The following GPATCH2 variants were observed in gnomAD, a reference collection of about 807,000 sequenced individuals.
The protein encoded by GPATCH2 is G patch domain-containing protein 2.
Under a neutral mutation model 58.0 loss-of-function variants are expected in GPATCH2, and 51 were observed. That is an observed-to-expected ratio of 0.88 (90% confidence interval 0.70 to 1.11). The LOEUF (loss-of-function observed/expected upper bound fraction) is 1.11, where lower values mean the gene tolerates loss of function less well. Among genes scored for constraint, GPATCH2 ranks in the 50% most tolerant of loss-of-function variants. The probability of loss-of-function intolerance (pLI) is 0.00; values close to 1 mark genes in which losing one functional copy is unlikely to be tolerated. For missense variants in GPATCH2, 625 were observed against 652.2 expected (o/e 0.96, Z 0.45); for synonymous variants, 222 against 218.5 (o/e 1.02, Z -0.14).
At chr1:217,484,528 T>C (rs1378251162) in intron 8 of GPATCH2, among the ~76,000 whole-genome samples, 1 of 143,098 alleles carries the variant, frequency 7.0e-6, no homozygotes, top group African/African-American at 2.5e-5. Flanking sequence ...GCCAATTCCT[T>C]CAAATAAATC....
At chr1:217,453,445 C>T (rs921209115) in intron 8 of GPATCH2, among the ~76,000 whole-genome samples, 3 of 152,134 alleles carry the variant, frequency 2.0e-5, no homozygotes, top group African/African-American at 4.8e-5. Flanking sequence ...CTGTCACTTA[C>T]GATTTGAAAC....
At chr1:217,509,063 G>A (rs910295330) in intron 6 of GPATCH2, among the ~76,000 whole-genome samples, 1 of 152,194 alleles carries the variant, frequency 6.6e-6, no homozygotes, top group Admixed American at 6.5e-5. Flanking sequence ...ACTGCAGCCT[G>A]GAGTGGTGGC....
At chr1:217,474,988 T>G (rs1660906826) in intron 8 of GPATCH2, among the ~76,000 whole-genome samples, 1 of 152,174 alleles carries the variant, frequency 6.6e-6, no homozygotes, top group African/African-American at 2.4e-5. Flanking sequence ...TAACAAAACT[T>G]GTAACAAGAA....
At chr1:217,609,492 G>A (rs890250548) in intron 5 of GPATCH2, 7 of 983,344 alleles carry the variant, frequency 7.1e-6, no homozygotes, top group East Asian at 1.1e-4. Context: ...AATTTAAAAC[G>A]AGGATGATTT....
intron 5 of GPATCH2, among the ~76,000 whole-genome samples, chr1:217,571,931 A>T (rs1252121184): frequency 1.3e-5 from 2 of 149,824 alleles, no homozygotes; most frequent in Non-Finnish European, 3.0e-5. Context: ...GACAGACAAA[A>T]GAAGAAAGAA....
intron 8 of GPATCH2, among the ~76,000 whole-genome samples, chr1:217,469,003 T>A (rs1660601607): frequency 6.6e-6 from 1 of 152,142 alleles, no homozygotes; most frequent in South Asian, 2.1e-4. Flanking sequence ...GTATAAGTCA[T>A]TACAGCTTTT....
At chr1:217,621,448 A>G (rs1412077847) in intron 1 of GPATCH2, among the ~76,000 whole-genome samples, 1 of 152,200 alleles carries the variant, frequency 6.6e-6, no homozygotes, top group Admixed American at 6.5e-5. Context: ...CTCAACAGTC[A>G]TACAGAGCTT....
intron 8 of GPATCH2, among the ~76,000 whole-genome samples, chr1:217,455,954 T>C (rs1390802150): frequency 1.3e-5 from 2 of 151,810 alleles, no homozygotes; most frequent in East Asian, 3.9e-4. Context: ...TGGCTGGGGA[T>C]AGTCAGAGAG....
intron 2 of GPATCH2, among the ~76,000 whole-genome samples, chr1:217,616,259 C>G (rs957438333): frequency 4.6e-5 from 7 of 152,146 alleles, no homozygotes; most frequent in African/African-American, 1.7e-4. Context: ...CATACACACA[C>G]GTGTACATTA....
intron 1 of GPATCH2, among the ~76,000 whole-genome samples, chr1:217,629,508 A>G (rs987553898): frequency 1.7e-4 from 26 of 152,150 alleles, no homozygotes; most frequent in Non-Finnish European, 7.4e-5. Flanking sequence ...CTACAAATCA[A>G]TAGCACCCTA....
chr1:217,454,282 T>G (rs10495057), intron 8 of GPATCH2, among the ~76,000 whole-genome samples: 5,320 of 152,236 alleles, frequency 0.035, 168 homozygotes, highest in African/African-American at 0.091. Context: ...ACGACTAGAA[T>G]GATTGAATTA....
intron 5 of GPATCH2, among the ~76,000 whole-genome samples, chr1:217,534,445 T>A (rs1274897537): frequency 6.6e-6 from 1 of 152,198 alleles, no homozygotes; most frequent in Non-Finnish European, 1.5e-5. Context: ...GTTGCCCATC[T>A]TCTTATTAGT....
At chr1:217,451,983 C>G (rs1457428833) in intron 8 of GPATCH2, among the ~76,000 whole-genome samples, 1 of 152,174 alleles carries the variant, frequency 6.6e-6, no homozygotes, top group Admixed American at 6.5e-5. Flanking sequence ...GTTCAGGATG[C>G]CTGCAGAGCA....
rs746900010 is a variant in GPATCH2, at chr1:217,620,439, G to A, written c.117C>T (p.Ser39=). 9.9e-6 allele frequency: 16 copies of A among 1,613,836 alleles called. No individual in the cohort carries two copies. In the East Asian group the frequency reaches 3.1e-4, roughly 31 times the overall value. ...CAAATCCACCTCGAGCTTGCTCTGA[G>A]CTCTCTTCCAATGCTGAGACAAGGT... ...VHDLVSALEE[S]SEQARGGFAE... The change falls in exon 2 of 10, where the codon AGC becomes AGT. Residue 39 remains serine, a synonymous_variant. Coordinates refer to ENST00000366935, the MANE Select transcript of GPATCH2 (RefSeq NM_018040.5).
chr1:217,458,087 A>G (rs2132997), intron 8 of GPATCH2, among the ~76,000 whole-genome samples: 87,554 of 151,992 alleles, frequency 0.58, 25,956 homozygotes, highest in Admixed American at 0.69. Flanking sequence ...AAAATTAGCC[A>G]GGCGTGGTCG....
chr1:217,454,546 G>A (rs545703639), intron 8 of GPATCH2, among the ~76,000 whole-genome samples: 48 of 120,398 alleles, frequency 4.0e-4, no homozygotes, highest in African/African-American at 1.3e-3. Context: ...TCGAGATCGC[G>A]CCACTGCACT....
intron 5 of GPATCH2, among the ~76,000 whole-genome samples, chr1:217,523,932 A>G (rs796891381): frequency 1.8e-3 from 94 of 53,484 alleles, no homozygotes; most frequent in Non-Finnish European, 2.2e-3. Context: ...CGGACGGGGC[A>G]GTTGGCCGGG....
At chr1:217,563,233 C>CTAT (rs1344552805) in intron 5 of GPATCH2, among the ~76,000 whole-genome samples, 1 of 152,086 alleles carries the variant, frequency 6.6e-6, no homozygotes, top group Non-Finnish European at 1.5e-5. Context: ...TATACAGCCA[C>CTAT]TATTAGGTCT....
intron 5 of GPATCH2, among the ~76,000 whole-genome samples, chr1:217,532,396 G>A (rs1664235841): frequency 6.6e-6 from 1 of 152,122 alleles, no homozygotes; most frequent in African/African-American, 2.4e-5. Context: ...AAGTAGCACA[G>A]CCACTATTTT....
Sources: gnomAD v4.1 joint callset for allele counts (sites outside exome capture counted in the v4.1 genomes callset) on GRCh38, gnomAD v4.1.1 for gene constraint, MANE v1.5 for transcripts, NCBI Gene and HGNC (gene_info 2026-07-23, HGNC 2026-07-21) for gene names.